Variants in SLC25A33 observed in about 807,000 individuals in gnomAD.
The protein encoded by SLC25A33 is solute carrier family 25 member 33.
A neutral mutation model predicts 35.5 loss-of-function variants in SLC25A33; 15 were observed. The ratio of observed to expected loss-of-function variants is 0.42; its 90% CI spans 0.28 to 0.65. The LOEUF (loss-of-function observed/expected upper bound fraction) is 0.65, where lower values mean the gene tolerates loss of function less well. SLC25A33 is among the 30% of genes least tolerant of loss of function. SLC25A33 has a pLI of 0.20. For synonymous variants in SLC25A33, 136 were observed against 148.7 expected (o/e 0.91, Z 0.62); for missense variants, 257 against 398.5 (o/e 0.64, Z 3.02).
chr1:9,556,632 C>A (rs1643345622), intron 2 of SLC25A33, among the ~76,000 whole-genome samples: 1 of 151,900 alleles, frequency 6.6e-6, no homozygotes, highest in Non-Finnish European at 1.5e-5. Flanking sequence ...GCTTTCTAAT[C>A]TCCAGTAAAT....
chr1:9,550,011 A>ATATATATATATATATTTTT (rs754618497), intron 1 of SLC25A33, among the ~76,000 whole-genome samples: 1 of 48,868 alleles, frequency 2.0e-5, no homozygotes, highest in African/African-American at 7.8e-5. Context: ...ATATATATAT[A>ATATATATATATATATTTTT]TTTTTTTTTT....
intron 2 of SLC25A33, among the ~76,000 whole-genome samples, chr1:9,555,748 G>A (rs928766402): frequency 4.6e-5 from 7 of 152,206 alleles, no homozygotes; most frequent in Middle Eastern, 3.4e-3. Context: ...GCAGTGGTAC[G>A]ATCTCTGCTC....
rs985405195 is a variant in SLC25A33, at chr1:9,570,711, T to G, written c.415+353T>G. 3.5e-5 allele frequency among the ~76,000 whole-genome samples: 5 copies of G among 144,206 alleles called. No individual in the cohort carries two copies. In the Middle Eastern group the frequency reaches 0.01, roughly 298 times the overall value. The allele number at this position is 144,206 out of a possible 152,430, so 94.6% of individuals were successfully genotyped here. A position where few individuals can be genotyped will look rare whatever the true frequency, so the allele number is the denominator to read the frequency against. On this transcript the variant is annotated intron_variant, in intron 4 of 6. Coordinates refer to ENST00000302692, the MANE Select transcript of SLC25A33 (RefSeq NM_032315.3). ...TAGATAGATAGATATAGTTTTTTTTTTTTTTTTTTTTTTTGAGACAGAGTC... is the reference window on the plus strand; with the variant it reads ...TAGATAGATAGATATAGTTTTTTTTGTTTTTTTTTTTTTTGAGACAGAGTC...
intron 1 of SLC25A33, among the ~76,000 whole-genome samples, chr1:9,551,695 CT>C (rs895903947): frequency 6.0e-5 from 9 of 150,272 alleles, no homozygotes; most frequent in East Asian, 1.9e-4. Flanking sequence ...ATGAGAAAGA[CT>C]TTTTTTTTTC....
At chr1:9,551,328 G>A (rs897268295) in intron 1 of SLC25A33, among the ~76,000 whole-genome samples, 5 of 152,120 alleles carry the variant, frequency 3.3e-5, no homozygotes, top group Middle Eastern at 3.4e-3. Flanking sequence ...AACTGAAATC[G>A]CACCACTGCA....
chr1:9,554,246 C>T (rs1008999022), intron 2 of SLC25A33, among the ~76,000 whole-genome samples: 8 of 152,206 alleles, frequency 5.3e-5, no homozygotes, highest in Non-Finnish European at 7.3e-5. Context: ...TGCAATGGTG[C>T]GATCTTGGCT....
intron 1 of SLC25A33, among the ~76,000 whole-genome samples, chr1:9,543,373 C>T (rs1643122888): frequency 6.6e-6 from 1 of 151,892 alleles, no homozygotes. Flanking sequence ...CGAACTCCTG[C>T]CCTCAGGTGA....
chr1:9,552,855 C>T (rs1367449168), intron 1 of SLC25A33, among the ~76,000 whole-genome samples: 7 of 151,724 alleles, frequency 4.6e-5, no homozygotes, highest in Admixed American at 4.6e-4. Context: ...ATGGAAAGCC[C>T]CAAAGGATGT....
intron 4 of SLC25A33, among the ~76,000 whole-genome samples, chr1:9,571,735 T>TTG (rs1268472379): frequency 1.3e-5 from 2 of 152,044 alleles, no homozygotes; most frequent in African/African-American, 2.4e-5. Context: ...CCTCCTGGGC[T>TTG]CAAGCCATCC....
intron 2 of SLC25A33, among the ~76,000 whole-genome samples, chr1:9,565,454 T>C (rs1024233304): frequency 4.7e-5 from 7 of 150,430 alleles, no homozygotes; most frequent in African/African-American, 1.7e-4. Flanking sequence ...AGGCGGAGCT[T>C]GCAGTGAGCT....
chr1:9,553,646 C>G lies in SLC25A33; in HGVS notation c.77C>G (p.Ala26Gly). 1 of 1,613,456 alleles carries G rather than the reference C, an allele frequency of 6.2e-7. No individual in the cohort carries two copies. Among genetic ancestry groups the G allele is most frequent in the Non-Finnish European group, 8.5e-7 (1 of 1,180,016 alleles). Residue 26 changes from alanine (A) to glycine (G), a missense_variant, in exon 2 of 7, where the codon GCT becomes GGT. Transcript: ENST00000302692. ...FAGGCGGTVG[A>G]IFTCPLEVIK... Reference sequence around the variant, plus strand: ...TACAGGTGTGGAGGCACAGTTGGTGCTATTTTCACTTGTCCACTAGAAGTC... The same window carrying G: ...TACAGGTGTGGAGGCACAGTTGGTGGTATTTTCACTTGTCCACTAGAAGTC...
intron 2 of SLC25A33, among the ~76,000 whole-genome samples, chr1:9,558,723 A>G (rs1643379381): frequency 1.3e-5 from 2 of 152,114 alleles, no homozygotes; most frequent in South Asian, 2.1e-4. Flanking sequence ...ACCCCTTCTC[A>G]CTACTTCCTC....
chr1:9,547,221 A>G (rs1643186777), intron 1 of SLC25A33, among the ~76,000 whole-genome samples: 1 of 152,198 alleles, frequency 6.6e-6, no homozygotes, highest in African/African-American at 2.4e-5. Context: ...TGGGAGGCCA[A>G]GGTGGGCAGA....
At chr1:9,568,579 C>T (rs183785611) in intron 3 of SLC25A33, among the ~76,000 whole-genome samples, 272 of 150,622 alleles carry the variant, frequency 1.8e-3, no homozygotes, top group South Asian at 0.015. Context: ...TGGCCGGGTG[C>T]GGTGGCTCAC....
At chr1:9,541,478 T>A (rs1643081082) in intron 1 of SLC25A33, among the ~76,000 whole-genome samples, 1 of 152,160 alleles carries the variant, frequency 6.6e-6, no homozygotes, top group South Asian at 2.1e-4. Flanking sequence ...GTGTTTTTGC[T>A]AAGAGGCGGA....
intron 1 of SLC25A33, 146 bp downstream of exon 1, chr1:9,539,893 G>C (rs1490553273): frequency 1.5e-6 from 1 of 685,260 alleles, no homozygotes; most frequent in Non-Finnish European, 2.0e-6. Context: ...TCCCGGCGTC[G>C]GGGACTGGTG....
In SLC25A33 at chr1:9,561,833, C is replaced by T. The variant is rs537090680; in HGVS notation, c.237-5451C>T. Among the ~76,000 whole-genome samples the T allele has an allele frequency of 1.4e-4, 21 of 152,080 alleles. No homozygotes were observed. In the East Asian group the frequency reaches 3.7e-3, roughly 27 times the overall value. On this transcript the variant is annotated intron_variant, in intron 2 of 6. Transcript: ENST00000302692. ...TTACACAATTTCTTGATACACTTAGCGTTTGAAAATCTTGATTATGTGCTA... is the reference window on the plus strand; with the variant it reads ...TTACACAATTTCTTGATACACTTAGTGTTTGAAAATCTTGATTATGTGCTA...
intron 1 of SLC25A33, among the ~76,000 whole-genome samples, chr1:9,549,379 G>A (rs1643227960): frequency 7.6e-6 from 1 of 131,778 alleles, no homozygotes; most frequent in South Asian, 2.9e-4. Flanking sequence ...AACTGATGGT[G>A]GGATCAATGG....
At chr1:9,574,943 G>A (rs1417102121) in intron 5 of SLC25A33, among the ~76,000 whole-genome samples, 1 of 152,108 alleles carries the variant, frequency 6.6e-6, no homozygotes, top group African/African-American at 2.4e-5. Flanking sequence ...GCCGGGTGCG[G>A]TGGCTCACAC....
Sources: gnomAD v4.1 joint callset for allele counts (sites outside exome capture counted in the v4.1 genomes callset) on GRCh38, gnomAD v4.1.1 for gene constraint, MANE v1.5 for transcripts, NCBI Gene and HGNC (gene_info 2026-07-23, HGNC 2026-07-21) for gene names.